NR1H4: variants seen among roughly 807,000 people sequenced by gnomAD.
NR1H4 encodes the protein nuclear receptor subfamily 1 group H member 4, also known as bile acid receptor.
A neutral mutation model predicts 58.5 loss-of-function variants in NR1H4; 23 were observed. The ratio of observed to expected loss-of-function variants is 0.39; its 90% CI spans 0.28 to 0.56. The LOEUF is 0.56. NR1H4 is among the 20% of genes least tolerant of loss of function. The probability of loss-of-function intolerance (pLI) is 0.58; values close to 1 mark genes in which losing one functional copy is unlikely to be tolerated. For synonymous variants in NR1H4, 214 were observed against 198.0 expected (o/e 1.08, Z -0.68); for missense variants, 487 against 576.9 (o/e 0.84, Z 1.60).
At chr12:100,558,349 C>CAAAA (rs10617220) in intron 9 of NR1H4, among the ~76,000 whole-genome samples, 2 of 79,966 alleles carry the variant, frequency 2.5e-5, no homozygotes, top group Non-Finnish European at 4.6e-5. Flanking sequence ...GATTCCATCT[C>CAAAA]AAAAAAAAAA....
chr12:100,509,505 C>G (rs1380849931), intron 3 of NR1H4, among the ~76,000 whole-genome samples: 6 of 152,150 alleles, frequency 3.9e-5, no homozygotes, highest in African/African-American at 9.7e-5. Flanking sequence ...TTATCGAGCA[C>G]TTCTGTGTGC....
At position 100,533,662 on chromosome 12, in the gene NR1H4, G is replaced by A. The variant is rs1028020021; in HGVS notation, c.598+1052G>A. 5.9e-5 allele frequency among the ~76,000 whole-genome samples: 9 copies of A among 152,182 alleles called. 1 individual carries two copies. The highest frequency in any genetic ancestry group is 3.3e-4 in the Admixed American group (5 of 15,290). ...TAGCTCATCACTTAAATATGAACTT[G>A]TTCCAGCTGGAGCGCTGAGGACATT... is the stretch of plus-strand genomic sequence containing the variant. On this transcript the variant is annotated intron_variant, in intron 5 of 10. Transcript: ENST00000392986.
At chr12:100,562,048 T>C (rs774243581) in intron 10 of NR1H4, 50 bp downstream of exon 10, 1 of 883,158 alleles carries the variant, frequency 1.1e-6, no homozygotes, top group South Asian at 1.4e-5. Context: ...TTCAGTATAC[T>C]AGTAATAACG....
chr12:100,498,454 C>T (rs78938540), intron 3 of NR1H4, among the ~76,000 whole-genome samples: 4,690 of 152,134 alleles, frequency 0.031, 160 homozygotes, highest in East Asian at 0.15. Flanking sequence ...GACTGGCTAA[C>T]GTGGTGAAAC....
rs189360436 is a variant in NR1H4, at chr12:100,512,606, A to C, written c.445+1463A>C. On this transcript the variant is annotated intron_variant, in intron 4 of 10. Coordinates refer to ENST00000392986, the MANE Select transcript of NR1H4 (RefSeq NM_001206979.2). ...CAGTGAGCCGAGATCACGCCACTGC[A>C]CTCCAGCCTGGGCAACTGAGCGAGA... Among the ~76,000 whole-genome samples, 90 of 151,766 alleles carry C rather than the reference A, an allele frequency of 5.9e-4. No individual in the cohort carries two copies. The East Asian group carries it at 0.017, about 28-fold the overall frequency.
At position 100,553,073 on chromosome 12, in the gene NR1H4, G is replaced by A. The variant is rs953651298; in HGVS notation, c.1079-8812G>A. 4.6e-5 allele frequency among the ~76,000 whole-genome samples: 7 copies of A among 152,078 alleles called. No homozygotes were observed. The East Asian group carries it at 7.8e-4, about 17-fold the overall frequency. ...GAGTGCAGTGCAGCGATCTTAGCTC[G>A]CTGCAACCTCCGTCTCTCGGGTTCA... On this transcript the variant is annotated intron_variant, in intron 9 of 10. Transcript: ENST00000392986.
chr12:100,538,112 G>T (rs1393048010), intron 8 of NR1H4, among the ~76,000 whole-genome samples: 1 of 152,116 alleles, frequency 6.6e-6, no homozygotes, highest in Non-Finnish European at 1.5e-5. Context: ...TCTGTGGTGG[G>T]CTCCTAGGTT....
intron 4 of NR1H4, among the ~76,000 whole-genome samples, chr12:100,520,344 C>T (rs1218534960): frequency 1.3e-5 from 2 of 151,990 alleles, no homozygotes; most frequent in Non-Finnish European, 1.5e-5. Flanking sequence ...CAGAAACCAA[C>T]AATTCAAGCA....
At chr12:100,480,569 T>A (rs941192386) in intron 1 of NR1H4, among the ~76,000 whole-genome samples, 2 of 152,172 alleles carry the variant, frequency 1.3e-5, no homozygotes, top group African/African-American at 4.8e-5. Context: ...TCTTCCAGTT[T>A]CCACTAACCA....
intron 1 of NR1H4, among the ~76,000 whole-genome samples, chr12:100,474,276 C>T (rs998916785): frequency 6.6e-6 from 1 of 152,148 alleles, no homozygotes; most frequent in Admixed American, 6.5e-5. Context: ...CAGTTGCTTA[C>T]CTATTGAAAA....
intron 1 of NR1H4, among the ~76,000 whole-genome samples, chr12:100,487,430 A>G (rs1045888570): frequency 3.9e-5 from 6 of 152,100 alleles, no homozygotes; most frequent in African/African-American, 1.4e-4. Flanking sequence ...ATTGAGACTG[A>G]TTAGGCTAAC....
At chr12:100,546,907 C>T (rs920829533) in intron 9 of NR1H4, among the ~76,000 whole-genome samples, 2 of 152,056 alleles carry the variant, frequency 1.3e-5, no homozygotes, top group African/African-American at 4.8e-5. Context: ...CTAAGAAAAC[C>T]CTCTGCCTGA....
intron 4 of NR1H4, 91 bp from the exon 5 acceptor site, chr12:100,532,367 G>A: frequency 7.5e-7 from 1 of 1,338,184 alleles, no homozygotes; most frequent in Non-Finnish European, 1.1e-6. Context: ...CAGTTGGTGA[G>A]AAAATGTCCT....
intron 9 of NR1H4, among the ~76,000 whole-genome samples, chr12:100,546,966 C>T (rs2136277157): frequency 6.6e-6 from 1 of 152,272 alleles, no homozygotes; most frequent in Admixed American, 6.5e-5. Context: ...AGAACTGAAA[C>T]AGTATGACTG....
chr12:100,552,726 C>T (rs139478847), intron 9 of NR1H4, among the ~76,000 whole-genome samples: 78 of 152,108 alleles, frequency 5.1e-4, no homozygotes, highest in African/African-American at 1.5e-3. Flanking sequence ...AGTTCGAGAC[C>T]GGCCTAGAAT....
In NR1H4 at chr12:100,563,517, C is replaced by G. The variant is rs1485632861; in HGVS notation, c.*28C>G. The G allele has an allele frequency of 6.6e-7, 1 of 1,520,388 alleles. No individual in the cohort carries two copies. The highest frequency in any genetic ancestry group is 1.1e-5 in the South Asian group (1 of 89,194). 94.2% of individuals were successfully genotyped at this position (1,520,388 alleles called of 1,614,324 possible). On this transcript the variant is annotated 3_prime_UTR_variant, in exon 11 of 11. Coordinates refer to ENST00000392986, the MANE Select transcript of NR1H4 (RefSeq NM_001206979.2). ...GGGATTACAGGGGAGGGGTCTAGCT[C>G]CTTTTTCTCTCTCATATTAATCTGA...
chr12:100,559,718 G>C (rs1365257859), intron 9 of NR1H4, among the ~76,000 whole-genome samples: 1 of 152,226 alleles, frequency 6.6e-6, no homozygotes, highest in Non-Finnish European at 1.5e-5. Context: ...ACCACCCCCT[G>C]CTCCACGGCG....
At chr12:100,507,025 C>T (rs1389964088) in intron 3 of NR1H4, among the ~76,000 whole-genome samples, 2 of 152,004 alleles carry the variant, frequency 1.3e-5, no homozygotes, top group African/African-American at 4.8e-5. Flanking sequence ...TGAAATAATG[C>T]TTAAAGATTT....
intron 9 of NR1H4, among the ~76,000 whole-genome samples, chr12:100,558,817 G>C (rs78407875): frequency 6.6e-6 from 1 of 152,340 alleles, no homozygotes; most frequent in East Asian, 1.9e-4. Flanking sequence ...TAGAGTGATA[G>C]AGTGCAGCTT....
Sources: allele counts gnomAD v4.1 joint callset (sites outside exome capture counted in the v4.1 genomes callset), GRCh38; gene constraint gnomAD v4.1.1; transcripts MANE v1.5; gene names NCBI Gene and HGNC (gene_info 2026-07-23, HGNC 2026-07-21).